The following HPSE2 variants were observed in gnomAD, a reference collection of about 807,000 sequenced individuals.
HPSE2 encodes the protein inactive heparanase-2.
In HPSE2, 38 loss-of-function variants were observed where a neutral mutation model predicts 60.5. The observed-to-expected ratio is 0.63, with a 90% confidence interval of 0.48 to 0.82. HPSE2 has a LOEUF of 0.82. Among genes scored for constraint, HPSE2 ranks in the 40% least tolerant of loss-of-function variants. The pLI, the probability that HPSE2 is intolerant of heterozygous loss-of-function variation, is 0.00. For synonymous variants in HPSE2, 295 were observed against 293.2 expected (o/e 1.01, Z -0.06); for missense variants, 713 against 740.4 (o/e 0.96, Z 0.43).
chr10:98,733,381 C>CA (rs1304173282), intron 4 of HPSE2, among the ~76,000 whole-genome samples: 1 of 152,164 alleles, frequency 6.6e-6, no homozygotes, highest in East Asian at 1.9e-4. Flanking sequence ...CTTGGCCTCT[C>CA]AAAGTGCTGG....
chr10:99,314,378 G>C, the HPSE2 span, among the ~76,000 whole-genome samples: 1 of 151,990 alleles, frequency 6.6e-6, no homozygotes, highest in East Asian at 1.9e-4. Flanking sequence ...GCCCAGGCTG[G>C]TCTTGAACTC....
chr10:98,547,576 G>A (rs1218580139), intron 9 of HPSE2, among the ~76,000 whole-genome samples: 16 of 140,554 alleles, frequency 1.1e-4, no homozygotes, highest in African/African-American at 4.0e-4. Context: ...AACACCGCAT[G>A]TTCTCACTCA....
At chr10:98,846,223 A>G (rs1952031146) in intron 3 of HPSE2, among the ~76,000 whole-genome samples, 1 of 152,240 alleles carries the variant, frequency 6.6e-6, no homozygotes, top group Admixed American at 6.5e-5. Flanking sequence ...TAAAAGATAG[A>G]AGTCAAAATT....
At chr10:99,042,592 C>T (rs1416086932) in intron 3 of HPSE2, among the ~76,000 whole-genome samples, 2 of 151,872 alleles carry the variant, frequency 1.3e-5, no homozygotes, top group East Asian at 3.9e-4. Context: ...ACACTCAGAG[C>T]ACAAAAAAGG....
At chr10:98,521,074 G>A (rs1051122355) in intron 9 of HPSE2, among the ~76,000 whole-genome samples, 2 of 152,188 alleles carry the variant, frequency 1.3e-5, no homozygotes, top group African/African-American at 4.8e-5. Flanking sequence ...GAGGACATTG[G>A]CATGGGCAAG....
At chr10:98,512,263 C>A (rs1402693566) in intron 9 of HPSE2, among the ~76,000 whole-genome samples, 1 of 152,302 alleles carries the variant, frequency 6.6e-6, no homozygotes, top group East Asian at 1.9e-4. Flanking sequence ...CCCTCCAATC[C>A]ATTTTTTGGC....
At chr10:99,292,621 T>C in the HPSE2 span, among the ~76,000 whole-genome samples, 1 of 152,232 alleles carries the variant, frequency 6.6e-6, no homozygotes, top group Admixed American at 6.5e-5. Flanking sequence ...CACTAACAGC[T>C]ATATTTTAAA....
At chr10:99,118,971 G>A (rs1844827506) in intron 3 of HPSE2, among the ~76,000 whole-genome samples, 1 of 150,046 alleles carries the variant, frequency 6.7e-6, no homozygotes, top group South Asian at 2.1e-4. Context: ...AGCCAAGAGT[G>A]TGCCACTGCA....
At chr10:98,656,744 A>G in intron 6 of HPSE2, among the ~76,000 whole-genome samples, 1 of 151,946 alleles carries the variant, frequency 6.6e-6, no homozygotes, top group East Asian at 1.9e-4. Flanking sequence ...TCACAAGAGA[A>G]TAGAATCAGC....
Position 99,235,543 on chromosome 10 carries a change from A to G in HPSE2, c.260T>C (p.Ile87Thr), listed in dbSNP as rs140162468. ...NFLSLQLDPS[I>T]IHDGWLDFLS... ...GAAATCGAGCCAGCCATCATGAATG[A>G]TGGACGGATCCAGCTGCAGAGAGAG... Residue 87 changes from isoleucine to threonine, a missense_variant, in exon 1 of 12, where the codon ATC (isoleucine) becomes ACC (threonine). Coordinates refer to ENST00000370552, the MANE Select transcript of HPSE2 (RefSeq NM_021828.5). 25 of 1,613,964 alleles carry G rather than the reference A, an allele frequency of 1.5e-5. No individual in the cohort carries two copies. The highest frequency in any genetic ancestry group is 3.3e-4 in the Middle Eastern group (2 of 6,084).
At chr10:98,589,443 A>C (rs553903511) in intron 9 of HPSE2, among the ~76,000 whole-genome samples, 24 of 152,304 alleles carry the variant, frequency 1.6e-4, no homozygotes, top group African/African-American at 5.8e-4. Context: ...CAAGATGATG[A>C]GCCCTGGGAT....
chr10:99,127,849 A>T (rs1357347269), intron 3 of HPSE2, among the ~76,000 whole-genome samples: 1 of 152,246 alleles, frequency 6.6e-6, no homozygotes, highest in Non-Finnish European at 1.5e-5. Context: ...TAGCCTCCTG[A>T]AACAAAATAA....
intron 3 of HPSE2, among the ~76,000 whole-genome samples, chr10:98,761,340 C>T (rs552382513): frequency 6.6e-6 from 1 of 152,140 alleles, no homozygotes; most frequent in African/African-American, 2.4e-5. Context: ...CAACTCCTAG[C>T]TTTCTTGATC....
At chr10:98,506,516 A>T (rs1227284670) in intron 9 of HPSE2, among the ~76,000 whole-genome samples, 3 of 152,182 alleles carry the variant, frequency 2.0e-5, no homozygotes, top group African/African-American at 7.2e-5. Flanking sequence ...GTGTAACCAC[A>T]GCTCATCGCA....
At chr10:98,878,198 C>T (rs1013130386) in intron 3 of HPSE2, among the ~76,000 whole-genome samples, 4 of 151,978 alleles carry the variant, frequency 2.6e-5, no homozygotes, top group Non-Finnish European at 4.4e-5. Flanking sequence ...ACTTCTCCAA[C>T]GTATTGCCTG....
intron 2 of HPSE2, among the ~76,000 whole-genome samples, chr10:99,183,678 G>A (rs73335698): frequency 0.028 from 4,206 of 152,192 alleles, 192 homozygotes; most frequent in African/African-American, 0.096. Context: ...CCTTCTTCCT[G>A]GACAATACTT....
chr10:99,185,042 G>A (rs1018639106), intron 2 of HPSE2, among the ~76,000 whole-genome samples: 1 of 151,742 alleles, frequency 6.6e-6, no homozygotes, highest in Non-Finnish European at 1.5e-5. Context: ...CTTCACACCT[G>A]TAATCCCAGC....
At chr10:99,122,817 AAG>A (rs1845009781) in intron 3 of HPSE2, among the ~76,000 whole-genome samples, 1 of 152,100 alleles carries the variant, frequency 6.6e-6, no homozygotes, top group African/African-American at 2.4e-5. Flanking sequence ...TCATTTTGAA[AAG>A]TAATTATATG....
chr10:98,880,764 A>G (rs1953000868), intron 3 of HPSE2, among the ~76,000 whole-genome samples: 1 of 152,080 alleles, frequency 6.6e-6, no homozygotes, highest in Admixed American at 6.6e-5. Context: ...TTTGCACTGC[A>G]TATCCTTTTG....
Sources: allele counts gnomAD v4.1 joint callset (sites outside exome capture counted in the v4.1 genomes callset), GRCh38; gene constraint gnomAD v4.1.1; transcripts MANE v1.5; gene names NCBI Gene and HGNC (gene_info 2026-07-23, HGNC 2026-07-21).